EZH2: variants seen among roughly 807,000 people sequenced by gnomAD.
EZH2 encodes the protein enhancer of zeste 2 polycomb repressive complex 2 subunit, also known as histone-lysine N-methyltransferase EZH2.
EZH2 carries 18 observed loss-of-function variants against 98.4 expected under a neutral mutation model. The ratio of observed to expected loss-of-function variants is 0.18; its 90% CI spans 0.13 to 0.27. The LOEUF (loss-of-function observed/expected upper bound fraction) is 0.27. EZH2 is among the 10% of genes least tolerant of loss of function. The pLI, the probability that EZH2 is intolerant of heterozygous loss-of-function variation, is 1.00. For missense variants in EZH2, 470 were observed against 935.1 expected, an observed-to-expected ratio of 0.50 and a Z score of 6.49; for synonymous variants, 338 against 312.3, an observed-to-expected ratio of 1.08 and a Z score of -0.87.
chr7:148,878,173 T>A (rs941181503), intron 1 of EZH2, among the ~76,000 whole-genome samples: 2 of 152,232 alleles, frequency 1.3e-5, no homozygotes, highest in African/African-American at 4.8e-5. Context: ...TGGCATTAAA[T>A]ATATTCAAAA....
At chr7:148,864,984 G>A (rs370381523) in intron 1 of EZH2, among the ~76,000 whole-genome samples, 26 of 151,988 alleles carry the variant, frequency 1.7e-4, no homozygotes, top group Admixed American at 3.3e-4. Context: ...AAAATTAGCC[G>A]GGTATGGTGG....
chr7:148,832,077 A>G (rs1029898817), intron 4 of EZH2, among the ~76,000 whole-genome samples: 1 of 152,180 alleles, frequency 6.6e-6, no homozygotes, highest in Non-Finnish European at 1.5e-5. Flanking sequence ...TTTAAGGATA[A>G]GAACTATAAG....
rs559331887 is a variant in EZH2 at position 148,857,750 on chromosome 7, C to CAAAT, written c.-7-10449_-7-10446dup. On this transcript the variant is annotated intron_variant, in intron 1 of 19. Coordinates refer to ENST00000320356, the MANE Select transcript of EZH2 (RefSeq NM_004456.5). The stretch of plus-strand genomic sequence containing the variant: ...TGGGCGACAGAGCGAGACTCCGTCC[C>CAAAT]AAATAAATAAATAAATAAATAAATA... Among the ~76,000 whole-genome samples, 354 of 151,482 alleles carry CAAAT rather than the reference C, an allele frequency of 2.3e-3. 2 individuals carry two copies. Among genetic ancestry groups the CAAAT allele is most frequent in the African/African-American group, 6.1e-3 (250 of 41,300 alleles).
intron 1 of EZH2, among the ~76,000 whole-genome samples, chr7:148,877,844 T>C (rs1820385594): frequency 6.6e-6 from 1 of 152,246 alleles, no homozygotes; most frequent in South Asian, 2.1e-4. Flanking sequence ...CTCATTCTTC[T>C]CGGAGCTGAC....
chr7:148,841,381 T>C (rs185418288), intron 3 of EZH2, among the ~76,000 whole-genome samples: 1 of 152,204 alleles, frequency 6.6e-6, no homozygotes, highest in African/African-American at 2.4e-5. Flanking sequence ...CTAACAAGAC[T>C]CAACTCTCCA....
intron 6 of EZH2, among the ~76,000 whole-genome samples, chr7:148,827,647 CT>C (rs1808102586): frequency 6.6e-6 from 1 of 152,128 alleles, no homozygotes; most frequent in Non-Finnish European, 1.5e-5. Flanking sequence ...GTTATTTTCT[CT>C]TTTTTGAAAT....
intron 11 of EZH2, 146 bp downstream of exon 11, chr7:148,817,076 T>C: frequency 1.3e-6 from 1 of 747,824 alleles, no homozygotes; most frequent in Non-Finnish European, 2.0e-6. Flanking sequence ...TTTCATTCAA[T>C]TCCCTCTTGG....
intron 1 of EZH2, among the ~76,000 whole-genome samples, chr7:148,856,512 CAATAAAAT>C (rs929140925): frequency 3.9e-5 from 6 of 152,154 alleles, no homozygotes; most frequent in African/African-American, 1.4e-4. Context: ...ACCCCAGGAG[CAATAAAAT>C]AAGCATACCC....
intron 1 of EZH2, among the ~76,000 whole-genome samples, chr7:148,882,447 T>A (rs1821143120): frequency 6.6e-6 from 1 of 152,210 alleles, no homozygotes; most frequent in African/African-American, 2.4e-5. Context: ...AACAAGACGC[T>A]TTATATCTAT....
rs569511100 is a variant in EZH2 at position 148,846,497 on chromosome 7, A to G, written c.219T>C (p.Ser73=). The change falls in exon 3 of 20, where the codon TCT becomes TCC. Residue 73 remains serine (S), a synonymous_variant. Transcript: ENST00000320356. ...CCCTAGTCCCGCGCAATGAGCTCAC[A>G]GAAGTCAGGATGTGCACAGGCTGTA... ...RRIQPVHILT[S]VSSLRGTREC... The G allele has an allele frequency of 1.2e-6, 2 of 1,613,914 alleles. No homozygotes were observed. The highest frequency in any genetic ancestry group is 2.7e-5 in the African/African-American group (2 of 75,042).
intron 1 of EZH2, among the ~76,000 whole-genome samples, chr7:148,853,334 C>A (rs548691526): frequency 1.3e-5 from 2 of 152,266 alleles, no homozygotes; most frequent in South Asian, 4.2e-4. Context: ...ATCACTTGAA[C>A]CTGGGAGGCA....
intron 1 of EZH2, among the ~76,000 whole-genome samples, chr7:148,857,581 T>C (rs1390943117): frequency 6.6e-6 from 1 of 151,866 alleles, no homozygotes; most frequent in African/African-American, 2.4e-5. Flanking sequence ...TGAAACCCAG[T>C]CTCTACTAAA....
intron 8 of EZH2, chr7:148,821,212 C>CCT (rs1584959740): frequency 6.6e-6 from 1 of 151,944 alleles, no homozygotes. Flanking sequence ...CTGGAAAACT[C>CCT]CTAAGAATGT....
intron 8 of EZH2, among the ~76,000 whole-genome samples, chr7:148,820,549 AG>A (rs1201200023): frequency 1.3e-5 from 2 of 150,484 alleles, no homozygotes; most frequent in African/African-American, 2.5e-5. Flanking sequence ...GAGAAAAGGA[AG>A]GAAAAAAAAA....
chr7:148,844,872 A>C (rs915672407), intron 3 of EZH2, among the ~76,000 whole-genome samples: 1 of 152,154 alleles, frequency 6.6e-6, no homozygotes, highest in African/African-American at 2.4e-5. Flanking sequence ...GTGTCTGAGC[A>C]AAGTGTGCTC....
At chr7:148,829,955 C>A in intron 4 of EZH2, 107 bp from the exon 5 acceptor site, 1 of 765,344 alleles carries the variant, frequency 1.3e-6, no homozygotes, top group East Asian at 3.2e-5. Context: ...ACCCAGTTCT[C>A]CAGATTTAAA....
intron 3 of EZH2, among the ~76,000 whole-genome samples, chr7:148,842,779 T>G (rs150127013): frequency 6.6e-6 from 1 of 151,738 alleles, no homozygotes; most frequent in Non-Finnish European, 1.5e-5. Flanking sequence ...TAAAAACACA[T>G]TAAGGGACGG....
chr7:148,819,055 A>T, intron 9 of EZH2: 1 of 456,588 alleles, frequency 2.2e-6, no homozygotes. Flanking sequence ...CCTAGGTAGG[A>T]GTGGCTTGGT....
rs529067668 is a variant in EZH2 at position 148,858,236 on chromosome 7, G to A, written c.-7-10931C>T. Among the ~76,000 whole-genome samples the A allele has an allele frequency of 1.1e-4, 16 of 151,934 alleles. No individual in the cohort carries two copies. The South Asian group carries it at 3.1e-3, about 30-fold the overall frequency. On this transcript the variant is annotated intron_variant, in intron 1 of 19. Coordinates refer to ENST00000320356, the MANE Select transcript of EZH2 (RefSeq NM_004456.5). ...GAACCCGGGAGGCAGAGCTTGCAATGAGCCTAGATAGCGCCACTGCACTCC... is the reference window on the plus strand; with the variant it reads ...GAACCCGGGAGGCAGAGCTTGCAATAAGCCTAGATAGCGCCACTGCACTCC...
Sources: allele counts gnomAD v4.1 joint callset (sites outside exome capture counted in the v4.1 genomes callset), GRCh38; gene constraint gnomAD v4.1.1; transcripts MANE v1.5; gene names NCBI Gene and HGNC (gene_info 2026-07-23, HGNC 2026-07-21).